Variants in XPO1 observed in about 807,000 individuals in gnomAD.
XPO1 encodes the protein exportin-1.
In XPO1, 5 loss-of-function variants were observed where a neutral mutation model predicts 133.3. The ratio of observed to expected loss-of-function variants is 0.04; its 90% CI spans 0.02 to 0.08. XPO1 has a LOEUF of 0.08. Among genes scored for constraint, XPO1 ranks in the 10% least tolerant of loss-of-function variants. The pLI, the probability that XPO1 is intolerant of heterozygous loss-of-function variation, is 1.00. For synonymous variants in XPO1, 419 were observed against 408.2 expected, an observed-to-expected ratio of 1.03 and a Z score of -0.32; for missense variants, 506 against 1,267.5, an observed-to-expected ratio of 0.40 and a Z score of 9.12.
rs866095275 is a variant in XPO1, at chr2:61,526,284, G to A, written c.228+136C>T. ...TTGCAAGAATTAATTATATGCTTAA[G>A]ACTAAATTTTGAAACAAATTAACAA... is the stretch of plus-strand genomic sequence containing the variant. On this transcript the variant is annotated intron_variant, in intron 3 of 24. Transcript: ENST00000401558. The A allele has an allele frequency of 6.8e-6, 10 of 1,460,904 alleles. No homozygotes were observed. In the Middle Eastern group the frequency reaches 1.4e-3, roughly 203 times the overall value. The allele number at this position is 1,460,904 out of a possible 1,614,324, so 90.5% of individuals were successfully genotyped here.
At chr2:61,531,097 C>A (rs1203819875) in intron 2 of XPO1, among the ~76,000 whole-genome samples, 1 of 152,146 alleles carries the variant, frequency 6.6e-6, no homozygotes, top group Non-Finnish European at 1.5e-5. Context: ...TATAGCAGCT[C>A]GCTGCTACTA....
At chr2:61,481,525 C>T (rs1253796852) in intron 23 of XPO1, among the ~76,000 whole-genome samples, 2 of 152,026 alleles carry the variant, frequency 1.3e-5, no homozygotes, top group Non-Finnish European at 2.9e-5. Context: ...ATCGCACAAT[C>T]GCGGCTCACC....
intron 17 of XPO1, 55 bp from the exon 18 acceptor site, chr2:61,488,826 G>T: frequency 1.3e-6 from 2 of 1,579,952 alleles, no homozygotes. Flanking sequence ...CCACGGCTGG[G>T]AACAGTGGCT....
At chr2:61,522,278 AACTCCCAG>A (rs1698731500) in intron 4 of XPO1, among the ~76,000 whole-genome samples, 1 of 152,084 alleles carries the variant, frequency 6.6e-6, no homozygotes, top group Non-Finnish European at 1.5e-5. Flanking sequence ...GCTGGTATAG[AACTCCCAG>A]ACTCAAGCGA....
chr2:61,502,039 T>C lies in XPO1; in HGVS notation c.365A>G (p.Lys122Arg). The C allele has an allele frequency of 6.2e-7, 1 of 1,601,286 alleles. No individual in the cohort carries two copies. The highest frequency in any genetic ancestry group is 2.2e-5 in the East Asian group (1 of 44,746). Reference sequence around the variant, plus strand: ...TAATTTTCCGATATACACCTTTTCTTTCTAAGGAAAAGTAAAAGATTAAAT... The same window carrying C: ...TAATTTTCCGATATACACCTTTTCTCTCTAAGGAAAAGTAAAAGATTAAAT... ...KTSSDPTCVE[K>R]EKVYIGKLNM... Residue 122 changes from lysine to arginine, a missense_variant and splice_region_variant, in exon 6 of 25, where the codon AAA becomes AGA. This residue lies in a region of XPO1 where 68 missense variants were observed against 210.5 expected (regional missense o/e 0.32). Transcript: ENST00000401558.
At chr2:61,486,275 G>A (rs1573112012) in intron 19 of XPO1, among the ~76,000 whole-genome samples, 1 of 151,980 alleles carries the variant, frequency 6.6e-6, no homozygotes, top group Non-Finnish European at 1.5e-5. Context: ...CCAGGTTCAA[G>A]CAATTCTTGT....
At chr2:61,528,239 A>G (rs963150214) in intron 2 of XPO1, among the ~76,000 whole-genome samples, 1 of 151,940 alleles carries the variant, frequency 6.6e-6, no homozygotes, top group Non-Finnish European at 1.5e-5. Context: ...GGCTTTCATC[A>G]TGAACTTAGT....
intron 1 of XPO1, among the ~76,000 whole-genome samples, chr2:61,535,026 A>G (rs3771261): frequency 0.6 from 91,532 of 152,070 alleles, 27,649 homozygotes; most frequent in Middle Eastern, 0.7. Flanking sequence ...CAAATAAAAA[A>G]GAATTCTAAC....
Position 61,492,511 on chromosome 2 carries a change from T to G in XPO1, c.1567-30A>C, listed in dbSNP as rs374293224. On this transcript the variant is annotated intron_variant, in intron 14 of 24. Transcript: ENST00000401558. The surrounding 1 kb of genome is among the most constrained non-coding windows in gnomAD (Gnocchi z 5.6). Reference sequence around the variant, plus strand: ...AAATAAGACAAATTTGTATTATTTATTGTAACAACATAATACTTATTTAGC... The same window carrying G: ...AAATAAGACAAATTTGTATTATTTAGTGTAACAACATAATACTTATTTAGC... The G allele has an allele frequency of 2.5e-6, 4 of 1,590,338 alleles. No homozygotes were observed. The highest frequency in any genetic ancestry group is 2.6e-6 in the Non-Finnish European group (3 of 1,171,386).
intron 3 of XPO1, among the ~76,000 whole-genome samples, chr2:61,523,162 GA>G (rs1698770462): frequency 6.6e-6 from 1 of 152,160 alleles, no homozygotes; most frequent in Admixed American, 6.5e-5. Context: ...ACTTTCTATA[GA>G]AAGTGTTTAC....
At chr2:61,504,063 G>A (rs1157623708) in intron 4 of XPO1, among the ~76,000 whole-genome samples, 1 of 152,054 alleles carries the variant, frequency 6.6e-6, no homozygotes, top group Non-Finnish European at 1.5e-5. Context: ...ATTAATATAC[G>A]TGTTATTATT....
Position 61,527,838 on chromosome 2 carries a change from G to C in XPO1, c.127-1317C>G, listed in dbSNP as rs113738786. On this transcript the variant is annotated intron_variant, in intron 2 of 24. Transcript: ENST00000401558. ...TAGTCATCATCTTGTGCTTGTATCA[G>C]ATTTTCTTTTAGCATAAAATAACTA... 6.9e-3 allele frequency among the ~76,000 whole-genome samples: 1,047 copies of C among 151,940 alleles called. 14 individuals are homozygous for C. Among genetic ancestry groups the C allele is most frequent in the South Asian group, 0.048 (231 of 4,816 alleles).
At chr2:61,513,362 T>C (rs964223950) in intron 4 of XPO1, among the ~76,000 whole-genome samples, 1 of 84,070 alleles carries the variant, frequency 1.2e-5, no homozygotes, top group Non-Finnish European at 2.1e-5. Context: ...GTACAGAATA[T>C]CTTTTTTTTT....
intron 22 of XPO1, 74 bp downstream of exon 22, chr2:61,482,883 A>C: frequency 6.3e-7 from 1 of 1,575,324 alleles, no homozygotes; most frequent in East Asian, 2.2e-5. Flanking sequence ...TCGACCTCCC[A>C]AAGTGCTGGG....
intron 1 of XPO1, among the ~76,000 whole-genome samples, chr2:61,537,344 C>T (rs896209491): frequency 3.5e-4 from 53 of 151,546 alleles, no homozygotes; most frequent in Admixed American, 6.6e-4. Context: ...AGCAAGCGCT[C>T]CCCTCCCGAG....
chr2:61,517,631 T>C (rs1698457309), intron 4 of XPO1, among the ~76,000 whole-genome samples: 1 of 152,144 alleles, frequency 6.6e-6, no homozygotes, highest in Non-Finnish European at 1.5e-5. Context: ...GCAACCACTC[T>C]TTATTAGGGA....
chr2:61,528,680 A>G (rs867941011), intron 2 of XPO1, among the ~76,000 whole-genome samples: 4 of 147,034 alleles, frequency 2.7e-5, no homozygotes, highest in Non-Finnish European at 3.0e-5. Flanking sequence ...CTTTCCTGCA[A>G]TTAGTTTTTT....
intron 4 of XPO1, among the ~76,000 whole-genome samples, chr2:61,507,123 G>C (rs1558655240): frequency 6.6e-6 from 1 of 151,674 alleles, no homozygotes; most frequent in East Asian, 1.9e-4. Flanking sequence ...GCATGCGCCT[G>C]TAGTCCCAGC....
At chr2:61,480,244 GTTATA>G (rs1451039011) in intron 24 of XPO1, 3 of 147,594 alleles carry the variant, frequency 2.0e-5, no homozygotes, top group Non-Finnish European at 4.5e-5. Flanking sequence ...ATTAAGTTTA[GTTATA>G]TTATCATTGA....
Sources: gnomAD v4.1 joint callset for allele counts (sites outside exome capture counted in the v4.1 genomes callset) on GRCh38, gnomAD v4.1.1 for gene constraint, gnomAD v4.1.1 regional missense constraint, Gnocchi (gnomAD v3.1) non-coding constraint, MANE v1.5 for transcripts, NCBI Gene and HGNC (gene_info 2026-07-23, HGNC 2026-07-21) for gene names.